The following ZSWIM5 variants were observed in gnomAD, a reference collection of about 807,000 sequenced individuals.
ZSWIM5 encodes zinc finger SWIM domain-containing protein 5.
ZSWIM5 carries 55 observed loss-of-function variants against 119.6 expected under a neutral mutation model. The observed-to-expected ratio is 0.46, with a 90% CI of 0.37 to 0.58. The LOEUF is 0.58. ZSWIM5 is among the 20% of genes least tolerant of loss of function. ZSWIM5 has a pLI of 0.00. For missense variants in ZSWIM5, 1,193 were observed against 1,512.8 expected, an observed-to-expected ratio of 0.79 and a Z score of 3.51; for synonymous variants, 537 against 606.9, an observed-to-expected ratio of 0.88 and a Z score of 1.69.
chr1:45,056,926 T>G (rs1379081294), intron 4 of ZSWIM5, among the ~76,000 whole-genome samples: 1 of 152,184 alleles, frequency 6.6e-6, no homozygotes, highest in Non-Finnish European at 1.5e-5. Flanking sequence ...AAATGGAAAG[T>G]AGTGAGCCAT....
intron 1 of ZSWIM5, among the ~76,000 whole-genome samples, chr1:45,101,494 G>A (rs961567844): frequency 8.5e-5 from 13 of 152,138 alleles, no homozygotes; most frequent in Non-Finnish European, 8.8e-5. Flanking sequence ...GATTCCTCAA[G>A]GATGTAGAAC....
At chr1:45,029,870 G>A (rs1402097301) in intron 11 of ZSWIM5, among the ~76,000 whole-genome samples, 1 of 152,084 alleles carries the variant, frequency 6.6e-6, no homozygotes, top group Non-Finnish European at 1.5e-5. Context: ...TATGAATAAT[G>A]TTATTATAAA....
chr1:45,023,498 A>T (rs1569983882), intron 11 of ZSWIM5, among the ~76,000 whole-genome samples: 3 of 87,492 alleles, frequency 3.4e-5, no homozygotes, highest in African/African-American at 3.5e-5. Context: ...CAAAACTTCC[A>T]TGTCTCTTTT....
chr1:45,061,099 C>T (rs1645149580), intron 2 of ZSWIM5, among the ~76,000 whole-genome samples: 1 of 152,058 alleles, frequency 6.6e-6, no homozygotes, highest in Non-Finnish European at 1.5e-5. Flanking sequence ...CCACTTAAAA[C>T]ATAGTTATAG....
At chr1:45,022,457 A>G (rs1372653470) in intron 11 of ZSWIM5, among the ~76,000 whole-genome samples, 2 of 152,226 alleles carry the variant, frequency 1.3e-5, no homozygotes, top group African/African-American at 4.8e-5. Context: ...ATAAAAAAAG[A>G]TACATAGTGT....
chr1:45,038,748 G>A (rs577315654), intron 8 of ZSWIM5, among the ~76,000 whole-genome samples, 188 bp downstream of exon 8: 8 of 151,560 alleles, frequency 5.3e-5, no homozygotes, highest in Admixed American at 3.3e-4. Context: ...TGGGATTACA[G>A]GCGACTGACC....
chr1:45,035,574 G>T, intron 10 of ZSWIM5, 114 bp downstream of exon 10: 5 of 1,329,826 alleles, frequency 3.8e-6, no homozygotes, highest in Non-Finnish European at 5.2e-6. Context: ...ACTTGGTAGC[G>T]GGTCCAACAG....
intron 1 of ZSWIM5, among the ~76,000 whole-genome samples, chr1:45,108,739 T>G (rs1485777296): frequency 6.6e-6 from 1 of 152,136 alleles, no homozygotes; most frequent in East Asian, 1.9e-4. Flanking sequence ...TAATTCCAGC[T>G]AGCTCCTTTA....
intron 1 of ZSWIM5, among the ~76,000 whole-genome samples, chr1:45,106,933 G>C (rs1299646118): frequency 6.6e-6 from 1 of 152,194 alleles, no homozygotes; most frequent in Non-Finnish European, 1.5e-5. Flanking sequence ...CCTGCTCTCT[G>C]AAACATGTGC....
chr1:45,145,532 A>G (rs1295286100), intron 1 of ZSWIM5, among the ~76,000 whole-genome samples: 1 of 152,190 alleles, frequency 6.6e-6, no homozygotes, highest in East Asian at 1.9e-4. Flanking sequence ...GAATATATCA[A>G]AGCCATTATG....
chr1:45,075,969 T>C (rs1056735822), intron 2 of ZSWIM5, among the ~76,000 whole-genome samples: 1 of 152,032 alleles, frequency 6.6e-6, no homozygotes, highest in Non-Finnish European at 1.5e-5. Flanking sequence ...TTACACTGTT[T>C]AAATAAGCAA....
At chr1:45,196,019 C>T (rs1239752756) in intron 1 of ZSWIM5, among the ~76,000 whole-genome samples, 1 of 148,354 alleles carries the variant, frequency 6.7e-6, no homozygotes, top group Non-Finnish European at 1.5e-5. Context: ...AGGTGAGCAC[C>T]GTTACACCCA....
intron 1 of ZSWIM5, among the ~76,000 whole-genome samples, chr1:45,172,729 T>A (rs527369791): frequency 5.3e-5 from 8 of 152,282 alleles, no homozygotes; most frequent in African/African-American, 1.9e-4. Context: ...TCCCACAGCA[T>A]GTCCTTGTAG....
Position 45,206,040 on chromosome 1 carries a change from C to T in ZSWIM5, c.311G>A (p.Arg104Gln). Reference sequence around the variant, plus strand: ...GTACATGCAGATCTCCCGCTCATTCCGCGGGAAGGACCAGTAGACGATGCG... The same window carrying T: ...GTACATGCAGATCTCCCGCTCATTCTGCGGGAAGGACCAGTAGACGATGCG... ...QRRIVYWSFP[R>Q]NEREICMYSS... is the part of the protein sequence containing the mutation. Residue 104 changes from arginine (R) to glutamine (Q), a missense_variant, in exon 1 of 14, where the codon CGG becomes CAG. By Grantham distance (43) the Arg-to-Gln change is conservative (BLOSUM62 1). Around this residue, in one of 2 missense-constraint regions of ZSWIM5, gnomAD observed 232 missense variants for 222.9 expected, o/e 1.04. Coordinates refer to ENST00000359600, the MANE Select transcript of ZSWIM5 (RefSeq NM_020883.2). 1 of 1,607,250 alleles carries T rather than the reference C, an allele frequency of 6.2e-7. No homozygotes were observed. Among genetic ancestry groups the T allele is most frequent in the African/African-American group, 1.3e-5 (1 of 74,282 alleles).
intron 1 of ZSWIM5, among the ~76,000 whole-genome samples, chr1:45,141,010 G>A (rs890980257): frequency 7.2e-5 from 11 of 152,100 alleles, no homozygotes; most frequent in African/African-American, 2.7e-4. Flanking sequence ...GCCTCTCAAA[G>A]GGTGGGAAAA....
intron 1 of ZSWIM5, among the ~76,000 whole-genome samples, chr1:45,105,224 T>C (rs1202200905): frequency 6.6e-6 from 1 of 152,198 alleles, no homozygotes; most frequent in Non-Finnish European, 1.5e-5. Flanking sequence ...GGTGCTGGGA[T>C]TGCAGACGGA....
chr1:45,190,350 C>A (rs989003466), intron 1 of ZSWIM5, among the ~76,000 whole-genome samples: 2 of 152,008 alleles, frequency 1.3e-5, no homozygotes, highest in Admixed American at 1.3e-4. Context: ...CCACCCATTC[C>A]CAGGTAAACC....
At chr1:45,168,074 C>CA (rs1177319955) in intron 1 of ZSWIM5, among the ~76,000 whole-genome samples, 7 of 152,108 alleles carry the variant, frequency 4.6e-5, no homozygotes, top group Non-Finnish European at 8.8e-5. Flanking sequence ...GGAAGCAACC[C>CA]AAATGCCCAT....
chr1:45,036,867 G>C (rs1644988067), intron 8 of ZSWIM5, among the ~76,000 whole-genome samples: 1 of 152,124 alleles, frequency 6.6e-6, no homozygotes, highest in African/African-American at 2.4e-5. Flanking sequence ...GCAATCATGG[G>C]TCACTGATGC....
Sources: gnomAD v4.1 joint callset for allele counts (sites outside exome capture counted in the v4.1 genomes callset) on GRCh38, gnomAD v4.1.1 for gene constraint, gnomAD v4.1.1 regional missense constraint, MANE v1.5 for transcripts, NCBI Gene and HGNC (gene_info 2026-07-23, HGNC 2026-07-21) for gene names.